DGKB: variants seen among roughly 807,000 people sequenced by gnomAD.
The protein encoded by DGKB is 90 kDa diacylglycerol kinase.
Under a neutral mutation model 114.3 loss-of-function variants are expected in DGKB, and 67 were observed. The ratio of observed to expected loss-of-function variants is 0.59; its 90% CI spans 0.48 to 0.72. The LOEUF is 0.72. DGKB is among the 30% of genes least tolerant of loss of function. The probability of loss-of-function intolerance (pLI) is 0.00; values close to 1 mark genes in which losing one functional copy is unlikely to be tolerated. For missense variants in DGKB, 907 were observed against 975.2 expected (o/e 0.93, Z 0.93); for synonymous variants, 398 against 323.1 (o/e 1.23, Z -2.49).
At chr7:14,175,312 GC>G (rs1209932151) in intron 25 of DGKB, among the ~76,000 whole-genome samples, 1 of 152,146 alleles carries the variant, frequency 6.6e-6, no homozygotes, top group African/African-American at 2.4e-5. Context: ...CAATGCTTGT[GC>G]AAGATTAAGA....
At chr7:14,910,458 A>T (rs1249462680) in intron 1 of DGKB, among the ~76,000 whole-genome samples, 1 of 152,164 alleles carries the variant, frequency 6.6e-6, no homozygotes, top group East Asian at 1.9e-4. Flanking sequence ...ATAAACCTTT[A>T]TGGAAACTTT....
intron 25 of DGKB, among the ~76,000 whole-genome samples, chr7:14,163,425 A>T (rs1449312890): frequency 6.6e-6 from 1 of 152,256 alleles, no homozygotes; most frequent in Non-Finnish European, 1.5e-5. Context: ...ACAGGGGAAC[A>T]CACAAAATAA....
chr7:14,688,636 G>C (rs1822139710), intron 9 of DGKB, among the ~76,000 whole-genome samples: 1 of 152,082 alleles, frequency 6.6e-6, no homozygotes. Flanking sequence ...AAGCTGTTCA[G>C]GTCCGTGTTT....
intron 2 of DGKB, among the ~76,000 whole-genome samples, chr7:14,804,855 T>C (rs1045597498): frequency 2.6e-5 from 4 of 152,108 alleles, no homozygotes; most frequent in African/African-American, 9.7e-5. Context: ...TCTTTTCAAG[T>C]ACACCTGTTA....
intron 2 of DGKB, among the ~76,000 whole-genome samples, chr7:14,824,186 T>C (rs936775503): frequency 3.3e-5 from 5 of 152,130 alleles, no homozygotes; most frequent in African/African-American, 7.2e-5. Flanking sequence ...CCAGGACACA[T>C]GGTAACTACG....
chr7:14,970,444 T>G (rs941642912), intron 1 of DGKB, among the ~76,000 whole-genome samples: 1 of 151,998 alleles, frequency 6.6e-6, no homozygotes, highest in African/African-American at 2.4e-5. Context: ...AGAAACAGGT[T>G]TGGCAAATAA....
chr7:14,742,423 C>T (rs1420083144), intron 4 of DGKB, among the ~76,000 whole-genome samples: 1 of 152,104 alleles, frequency 6.6e-6, no homozygotes. Flanking sequence ...GCTGTAGTAA[C>T]TTTTAGTTCA....
intron 21 of DGKB, among the ~76,000 whole-genome samples, chr7:14,432,477 T>C (rs1392096734): frequency 1.3e-5 from 2 of 152,182 alleles, no homozygotes; most frequent in African/African-American, 4.8e-5. Context: ...TCAAACTACT[T>C]TTAGCTCTTC....
At chr7:14,723,875 C>CT (rs779785866) in intron 5 of DGKB, among the ~76,000 whole-genome samples, 6 of 152,078 alleles carry the variant, frequency 3.9e-5, no homozygotes, top group Non-Finnish European at 5.9e-5. Flanking sequence ...ATACTCCAAT[C>CT]TAGACACTTC....
chr7:14,451,896 AACTC>A (rs1355443749), intron 21 of DGKB, among the ~76,000 whole-genome samples: 1 of 150,366 alleles, frequency 6.7e-6, no homozygotes, highest in African/African-American at 2.5e-5. Context: ...AAATTAATGA[AACTC>A]ACTCTTTTGC....
chr7:14,943,217 A>T (rs1785673245), intron 1 of DGKB, among the ~76,000 whole-genome samples: 1 of 151,986 alleles, frequency 6.6e-6, no homozygotes, highest in Non-Finnish European at 1.5e-5. Flanking sequence ...TCCTAGATAC[A>T]AATATTACAC....
chr7:14,870,129 T>C (rs1011986695), intron 1 of DGKB, among the ~76,000 whole-genome samples: 2 of 152,120 alleles, frequency 1.3e-5, no homozygotes, highest in Admixed American at 1.3e-4. Flanking sequence ...ATGAAAAACC[T>C]TTCTAAACCT....
chr7:14,252,540 C>A (rs1340957096), intron 23 of DGKB, among the ~76,000 whole-genome samples: 1 of 152,120 alleles, frequency 6.6e-6, no homozygotes. Context: ...TTAGAATACT[C>A]CAACAGGCTG....
intron 23 of DGKB, among the ~76,000 whole-genome samples, chr7:14,288,253 A>AT (rs1801200782): frequency 7.8e-6 from 1 of 127,472 alleles, no homozygotes; most frequent in Non-Finnish European, 1.6e-5. Context: ...TTTTGTTAAA[A>AT]GAAAAAAAAA....
At chr7:14,237,027 GA>G (rs1365899961) in intron 23 of DGKB, among the ~76,000 whole-genome samples, 2 of 151,864 alleles carry the variant, frequency 1.3e-5, no homozygotes, top group Admixed American at 6.6e-5. Flanking sequence ...TTGGAATGTG[GA>G]TAAACTTCTT....
At chr7:14,944,502 CTT>C (rs1785753728) in intron 1 of DGKB, among the ~76,000 whole-genome samples, 1 of 151,806 alleles carries the variant, frequency 6.6e-6, no homozygotes, top group African/African-American at 2.4e-5. Context: ...TTTTAGAGAA[CTT>C]TTCTATGAAC....
intron 23 of DGKB, among the ~76,000 whole-genome samples, chr7:14,334,413 G>A (rs1318704503): frequency 7.1e-6 from 1 of 141,530 alleles, no homozygotes; most frequent in Admixed American, 7.0e-5. Flanking sequence ...CGTGTATGTG[G>A]GTATGTATAA....
chr7:14,548,063 G>A (rs1794571155), intron 20 of DGKB, among the ~76,000 whole-genome samples: 1 of 152,132 alleles, frequency 6.6e-6, no homozygotes, highest in Non-Finnish European at 1.5e-5. Context: ...TTTAAATTAT[G>A]ATGGGAAATT....
At chr7:14,728,419 C>G (rs1830340449) in intron 5 of DGKB, among the ~76,000 whole-genome samples, 1 of 152,198 alleles carries the variant, frequency 6.6e-6, no homozygotes, top group Admixed American at 6.5e-5. Context: ...TCTCTCGCCT[C>G]TTCTGCAGAA....
Sources: gnomAD v4.1 joint callset for allele counts (sites outside exome capture counted in the v4.1 genomes callset) on GRCh38, gnomAD v4.1.1 for gene constraint, MANE v1.5 for transcripts, NCBI Gene and HGNC (gene_info 2026-07-23, HGNC 2026-07-21) for gene names.